NINL: variants seen among roughly 807,000 people sequenced by gnomAD.
NINL encodes ninein-like protein.
A neutral mutation model predicts 160.3 loss-of-function variants in NINL; 153 were observed. The ratio of observed to expected loss-of-function variants is 0.95; its 90% confidence interval spans 0.84 to 1.09. The LOEUF (loss-of-function observed/expected upper bound fraction) is 1.09, where lower values mean the gene tolerates loss of function less well. NINL is among the 50% of genes least tolerant of loss of function. The pLI is 0.00. For missense variants in NINL, 1,829 were observed against 1,764.0 expected, an observed-to-expected ratio of 1.04 and a Z score of -0.66; for synonymous variants, 800 against 734.8, an observed-to-expected ratio of 1.09 and a Z score of -1.43.
At position 25,453,430 on chromosome 20, in the gene NINL, A is replaced by C. The variant is rs775713852; in HGVS notation, c.*21T>G. On this transcript the variant is annotated 3_prime_UTR_variant, in exon 24 of 24. Coordinates refer to ENST00000278886, the MANE Select transcript of NINL (RefSeq NM_025176.6). ...ATTTAAAAGATGTGCTTTCGAATGAATCCTAGAAAATAATCTGTCTTTACA... is the reference window on the plus strand; with the variant it reads ...ATTTAAAAGATGTGCTTTCGAATGACTCCTAGAAAATAATCTGTCTTTACA... 2 of 1,570,614 alleles carry C rather than the reference A, an allele frequency of 1.3e-6. No homozygotes were observed. The highest frequency in any genetic ancestry group is 1.7e-6 in the Non-Finnish European group (2 of 1,156,102).
intron 1 of NINL, among the ~76,000 whole-genome samples, chr20:25,570,982 A>AC: frequency 6.6e-6 from 1 of 150,546 alleles, no homozygotes; most frequent in South Asian, 2.1e-4. Flanking sequence ...GGCGTGAACC[A>AC]CCGCGCCCAG....
chr20:25,516,462 G>A (rs2064162081), intron 3 of NINL, among the ~76,000 whole-genome samples: 1 of 152,178 alleles, frequency 6.6e-6, no homozygotes, highest in Admixed American at 6.5e-5. Flanking sequence ...TGGAAGCACT[G>A]ACAACATGTC....
intron 13 of NINL, among the ~76,000 whole-genome samples, chr20:25,483,580 G>A (rs1173553697): frequency 6.6e-6 from 1 of 152,282 alleles, no homozygotes; most frequent in African/African-American, 2.4e-5. Flanking sequence ...AGAAAGAAAG[G>A]ATGATGTTGG....
At chr20:25,502,341 C>G (rs1318750424) in intron 7 of NINL, among the ~76,000 whole-genome samples, 2 of 152,188 alleles carry the variant, frequency 1.3e-5, no homozygotes. Context: ...CAGTGCAGAA[C>G]AGCACTACTG....
chr20:25,584,102 G>C (rs1282260248), intron 1 of NINL, among the ~76,000 whole-genome samples: 1 of 152,172 alleles, frequency 6.6e-6, no homozygotes, highest in African/African-American at 2.4e-5. Flanking sequence ...GTATACCCAT[G>C]TAACAAACCA....
intron 1 of NINL, among the ~76,000 whole-genome samples, chr20:25,554,024 C>T (rs553973323): frequency 6.6e-6 from 1 of 152,182 alleles, no homozygotes; most frequent in African/African-American, 2.4e-5. Context: ...AGGCAGGGCA[C>T]GGGTCAGGGC....
At chr20:25,496,479 A>G (rs1421502798) in intron 10 of NINL, among the ~76,000 whole-genome samples, 184 bp downstream of exon 10, 1 of 152,210 alleles carries the variant, frequency 6.6e-6, no homozygotes, top group Non-Finnish European at 1.5e-5. Context: ...CCCCAGGAAG[A>G]GCAGGGCTCT....
At chr20:25,508,622 G>C (rs927209797) in intron 5 of NINL, among the ~76,000 whole-genome samples, 7 of 152,232 alleles carry the variant, frequency 4.6e-5, no homozygotes, top group Non-Finnish European at 7.3e-5. Flanking sequence ...CCTACAAGGG[G>C]ACACACGCAA....
intron 3 of NINL, among the ~76,000 whole-genome samples, 186 bp from the exon 4 acceptor site, chr20:25,513,192 T>C (rs1236909799): frequency 6.6e-6 from 1 of 152,134 alleles, no homozygotes; most frequent in Non-Finnish European, 1.5e-5. Context: ...TTCTATGACC[T>C]TGGGTGGGAG....
chr20:25,489,434 G>A (rs2072976), intron 12 of NINL, 110 bp from the exon 13 acceptor site: 135,251 of 852,910 alleles, frequency 0.16, 15,065 homozygotes, highest in East Asian at 0.57. Context: ...AACACCAGGC[G>A]CTGCATCTCC....
At chr20:25,493,567 C>A (rs921857802) in intron 10 of NINL, among the ~76,000 whole-genome samples, 3 of 152,328 alleles carry the variant, frequency 2.0e-5, no homozygotes, top group African/African-American at 7.2e-5. Context: ...AAGCTGGCCT[C>A]ATGTGCGCTC....
chr20:25,500,736 A>G, intron 8 of NINL, 104 bp downstream of exon 8: 1 of 1,253,518 alleles, frequency 8.0e-7, no homozygotes, highest in Middle Eastern at 2.0e-4. Context: ...CAGAGCACAC[A>G]CCCCTGCTGG....
intron 17 of NINL, among the ~76,000 whole-genome samples, chr20:25,474,392 T>C (rs897975420): frequency 2.0e-5 from 3 of 152,164 alleles, no homozygotes; most frequent in African/African-American, 4.8e-5. Flanking sequence ...TCCGTGGAAA[T>C]GCACACGAAG....
At position 25,467,381 on chromosome 20, in the gene NINL, T is replaced by C. The variant is rs1161841248; in HGVS notation, c.3423+8A>G. The stretch of plus-strand genomic sequence containing the variant: ...GCATGAGCTCCATGCCAGGCGTCGA[T>C]ACGTCACCTGTCTGTTGAGCACCTC... On this transcript the variant is annotated splice_region_variant and intron_variant, in intron 19 of 23. Transcript: ENST00000278886. 3 of 1,606,310 alleles carry C rather than the reference T, an allele frequency of 1.9e-6. No individual in the cohort carries two copies. The highest frequency in any genetic ancestry group is 2.6e-6 in the Non-Finnish European group (3 of 1,172,882).
chr20:25,545,506 T>G (rs952512594), intron 1 of NINL, among the ~76,000 whole-genome samples: 1 of 151,956 alleles, frequency 6.6e-6, no homozygotes, highest in African/African-American at 2.4e-5. Context: ...GGTGCCCTCC[T>G]CTCAGCCAAG....
chr20:25,545,350 T>G (rs1307879579), intron 1 of NINL, among the ~76,000 whole-genome samples: 1 of 152,142 alleles, frequency 6.6e-6, no homozygotes, highest in Non-Finnish European at 1.5e-5. Flanking sequence ...AAAATAAGCT[T>G]GTAATCAACA....
chr20:25,535,126 C>T (rs868196628), intron 1 of NINL, among the ~76,000 whole-genome samples: 17 of 152,282 alleles, frequency 1.1e-4, no homozygotes, highest in Middle Eastern at 3.4e-3. Flanking sequence ...AACATGGATA[C>T]GCCTAGAGGA....
intron 1 of NINL, among the ~76,000 whole-genome samples, chr20:25,530,011 T>C (rs1454089657): frequency 6.6e-6 from 1 of 152,244 alleles, no homozygotes; most frequent in Non-Finnish European, 1.5e-5. Flanking sequence ...TTTCCAGCCC[T>C]TTCCCGTGTC....
At chr20:25,495,742 C>T (rs1045241680) in intron 10 of NINL, among the ~76,000 whole-genome samples, 3 of 152,356 alleles carry the variant, frequency 2.0e-5, no homozygotes, top group East Asian at 1.9e-4. Context: ...CCACCAATGA[C>T]GTAGAGAAGC....
Sources: allele counts gnomAD v4.1 joint callset (sites outside exome capture counted in the v4.1 genomes callset), GRCh38; gene constraint gnomAD v4.1.1; transcripts MANE v1.5; gene names NCBI Gene and HGNC (gene_info 2026-07-23, HGNC 2026-07-21).